RHOBTB3: variants seen among roughly 807,000 people sequenced by gnomAD.
RHOBTB3 encodes rho-related BTB domain-containing protein 3.
RHOBTB3 carries 47 observed loss-of-function variants against 67.2 expected under a neutral mutation model. That is an observed-to-expected ratio of 0.70 (90% CI 0.55 to 0.89). The LOEUF (loss-of-function observed/expected upper bound fraction) is 0.89, where lower values mean the gene tolerates loss of function less well. Ranked by LOEUF, RHOBTB3 falls within the 40% of genes least tolerant of loss-of-function variation. The pLI, the probability that RHOBTB3 is intolerant of heterozygous loss-of-function variation, is 0.00. For synonymous variants in RHOBTB3, 273 were observed against 274.2 expected (o/e 1.00, Z 0.04); for missense variants, 631 against 750.0 (o/e 0.84, Z 1.85).
intron 7 of RHOBTB3, among the ~76,000 whole-genome samples, chr5:95,765,010 C>T (rs1207473186): frequency 1.3e-5 from 2 of 152,004 alleles, no homozygotes; most frequent in African/African-American, 4.8e-5. Flanking sequence ...CCTATATTCT[C>T]GTTTTCAAAA....
At chr5:95,718,733 G>A (rs1406516052) in intron 1 of RHOBTB3, among the ~76,000 whole-genome samples, 1 of 152,196 alleles carries the variant, frequency 6.6e-6, no homozygotes, top group Admixed American at 6.5e-5. Flanking sequence ...TGGGGTTTTA[G>A]ACTGAAAAGC....
chr5:95,777,914 C>T (rs1442264323), intron 8 of RHOBTB3, among the ~76,000 whole-genome samples: 1 of 152,068 alleles, frequency 6.6e-6, no homozygotes, highest in Non-Finnish European at 1.5e-5. Context: ...GCCAGGAGTT[C>T]AAGACCAGCC....
At chr5:95,732,268 G>A in intron 2 of RHOBTB3, 184 bp downstream of exon 2, 1 of 644,098 alleles carries the variant, frequency 1.6e-6, no homozygotes, top group Non-Finnish European at 2.8e-6. Flanking sequence ...CCCTGTCAGA[G>A]AACACTCTTA....
At chr5:95,769,023 G>T (rs934306381) in intron 8 of RHOBTB3, 2 of 262,158 alleles carry the variant, frequency 7.6e-6, no homozygotes, top group East Asian at 2.0e-4. Flanking sequence ...CAGTCTTTCC[G>T]CAGACGAGAC....
intron 1 of RHOBTB3, among the ~76,000 whole-genome samples, chr5:95,725,473 G>A (rs1050630480): frequency 6.6e-6 from 1 of 152,252 alleles, no homozygotes; most frequent in Non-Finnish European, 1.5e-5. Context: ...GAAGAGGGGC[G>A]TCATGTGTGC....
chr5:95,765,408 C>A (rs899514341), intron 7 of RHOBTB3, among the ~76,000 whole-genome samples: 4 of 152,142 alleles, frequency 2.6e-5, no homozygotes, highest in Non-Finnish European at 4.4e-5. Flanking sequence ...GCGCTGAATT[C>A]CCTCCTCTGC....
intron 6 of RHOBTB3, among the ~76,000 whole-genome samples, chr5:95,761,623 A>T (rs1020233322): frequency 1.1e-4 from 16 of 152,198 alleles, no homozygotes; most frequent in Admixed American, 8.5e-4. Flanking sequence ...TACCATGCAC[A>T]TTAGGGTCAC....
intron 3 of RHOBTB3, among the ~76,000 whole-genome samples, chr5:95,745,711 A>G (rs183720437): frequency 2.0e-5 from 3 of 152,298 alleles, no homozygotes; most frequent in East Asian, 1.9e-4. Context: ...AAAGACTATA[A>G]TGTTAGCTAG....
chr5:95,735,974 C>T (rs183486885), intron 2 of RHOBTB3, among the ~76,000 whole-genome samples: 4 of 152,218 alleles, frequency 2.6e-5, no homozygotes, highest in Non-Finnish European at 4.4e-5. Context: ...TGGTGGTACA[C>T]ACCTGTAGTC....
At chr5:95,748,282 T>C (rs1354739844) in intron 3 of RHOBTB3, 51 bp from the exon 4 acceptor site, 4 of 1,433,914 alleles carry the variant, frequency 2.8e-6, no homozygotes, top group African/African-American at 1.4e-5. Context: ...TGTGTACCTT[T>C]TTTTTCCTGT....
chr5:95,759,061 G>A (rs1453635873), intron 6 of RHOBTB3, among the ~76,000 whole-genome samples: 1 of 152,252 alleles, frequency 6.6e-6, no homozygotes, highest in Non-Finnish European at 1.5e-5. Flanking sequence ...GAGGAAAAAT[G>A]GATGCCTAGT....
Position 95,757,496 on chromosome 5 carries a change from G to T in RHOBTB3, c.1048+1735G>T, listed in dbSNP as rs188033197. Among the ~76,000 whole-genome samples the T allele has an allele frequency of 2.1e-3, 323 of 152,264 alleles. 2 individuals are homozygous for T. The highest frequency in any genetic ancestry group is 7.3e-3 in the African/African-American group (305 of 41,550). On this transcript the variant is annotated intron_variant, in intron 6 of 11. Transcript: ENST00000379982. ...AATTGGGAACAGACAAAAAGTTTAA[G>T]GTTTGCAAGGCAAGTATCATTTCAT...
In RHOBTB3 at chr5:95,793,041, T is replaced by G. The variant is rs17085074; in HGVS notation, c.1721-18T>G. 37 of 1,560,714 alleles carry G rather than the reference T, an allele frequency of 2.4e-5. No individual in the cohort carries two copies. Among genetic ancestry groups the G allele is most frequent in the Non-Finnish European group, 3.2e-5 (36 of 1,134,032 alleles). ...AATAAAACATATTCGGTTAACAGTC[T>G]TTTTCTTAAAACTTCAGTGGAAGAA... On this transcript the variant is annotated intron_variant, in intron 11 of 11. Transcript: ENST00000379982.
intron 3 of RHOBTB3, among the ~76,000 whole-genome samples, chr5:95,741,971 C>T (rs1352722652): frequency 6.6e-6 from 1 of 152,160 alleles, no homozygotes; most frequent in Non-Finnish European, 1.5e-5. Flanking sequence ...TGGATGCTCA[C>T]ATTGCTCCAT....
chr5:95,777,988 C>T (rs1424406107), intron 8 of RHOBTB3, among the ~76,000 whole-genome samples: 1 of 152,034 alleles, frequency 6.6e-6, no homozygotes, highest in Non-Finnish European at 1.5e-5. Context: ...GGCATGGTAG[C>T]GCATGCCTCT....
At chr5:95,792,620 G>A (rs1231068505) in intron 11 of RHOBTB3, among the ~76,000 whole-genome samples, 5 of 150,502 alleles carry the variant, frequency 3.3e-5, no homozygotes, top group African/African-American at 7.3e-5. Context: ...GTAAAACCCC[G>A]TCTCTACTAA....
At chr5:95,737,120 T>C in intron 3 of RHOBTB3, 45 bp downstream of exon 3, 1 of 1,249,318 alleles carries the variant, frequency 8.0e-7, no homozygotes, top group Non-Finnish European at 1.1e-6. Flanking sequence ...GCAAATATTA[T>C]ATATACTTTA....
At chr5:95,789,412 G>A in intron 11 of RHOBTB3, 1 of 152,130 alleles carries the variant, frequency 6.6e-6, no homozygotes, top group Non-Finnish European at 1.5e-5. Flanking sequence ...TGCTTTCTAA[G>A]GTAAATTATA....
At chr5:95,784,039 AT>A in intron 10 of RHOBTB3, 76 bp downstream of exon 10, 1 of 1,201,620 alleles carries the variant, frequency 8.3e-7, no homozygotes, top group Non-Finnish European at 1.1e-6. Flanking sequence ...AAAATTTATC[AT>A]TTTTTAACAT....
Sources: gnomAD v4.1 joint callset for allele counts (sites outside exome capture counted in the v4.1 genomes callset) on GRCh38, gnomAD v4.1.1 for gene constraint, MANE v1.5 for transcripts, NCBI Gene and HGNC (gene_info 2026-07-23, HGNC 2026-07-21) for gene names.